ERBB4: variants seen among roughly 807,000 people sequenced by gnomAD.
ERBB4 encodes receptor tyrosine-protein kinase erbB-4.
In ERBB4, 42 loss-of-function variants were observed where a neutral mutation model predicts 158.0. The ratio of observed to expected loss-of-function variants is 0.27; its 90% confidence interval spans 0.21 to 0.34. ERBB4 has a LOEUF of 0.34. Ranked by LOEUF, ERBB4 falls within the 10% of genes least tolerant of loss-of-function variation. The pLI is 1.00. For synonymous variants in ERBB4, 583 were observed against 558.7 expected (o/e 1.04, Z -0.61); for missense variants, 1,333 against 1,624.1 (o/e 0.82, Z 3.08).
At chr2:211,967,900 C>A (rs1575448922) in intron 2 of ERBB4, among the ~76,000 whole-genome samples, 1 of 151,742 alleles carries the variant, frequency 6.6e-6, no homozygotes, top group Non-Finnish European at 1.5e-5. Flanking sequence ...TTAAGTTAAT[C>A]ATTTAGAATA....
At chr2:211,618,787 C>A (rs1447207231) in intron 19 of ERBB4, among the ~76,000 whole-genome samples, 1 of 152,148 alleles carries the variant, frequency 6.6e-6, no homozygotes, top group Non-Finnish European at 1.5e-5. Context: ...GAAATATACA[C>A]ATGAGCTTTG....
chr2:211,892,506 G>T (rs1185982915), intron 3 of ERBB4, among the ~76,000 whole-genome samples: 1 of 138,406 alleles, frequency 7.2e-6, no homozygotes, highest in African/African-American at 2.9e-5. Context: ...ACAAGACAGG[G>T]ATGCCCTCTC....
chr2:211,687,493 A>AGATTGTTT (rs1559419276), intron 12 of ERBB4, among the ~76,000 whole-genome samples: 1 of 151,268 alleles, frequency 6.6e-6, no homozygotes, highest in African/African-American at 2.4e-5. Flanking sequence ...GCTTGACTGA[A>AGATTGTTT]GTTTGTTTGT....
chr2:211,934,723 T>C (rs116816796), intron 3 of ERBB4, among the ~76,000 whole-genome samples: 5,329 of 152,070 alleles, frequency 0.035, 126 homozygotes, highest in Middle Eastern at 0.089. Context: ...ATGAAGTCCG[T>C]GCCCAATTAG....
At chr2:212,416,444 C>T (rs1469884092) in intron 1 of ERBB4, among the ~76,000 whole-genome samples, 1 of 152,020 alleles carries the variant, frequency 6.6e-6, no homozygotes, top group Non-Finnish European at 1.5e-5. Flanking sequence ...AGGGGTCAGA[C>T]ATGTTTGTTC....
At chr2:211,576,455 A>G (rs894985701) in intron 19 of ERBB4, among the ~76,000 whole-genome samples, 4 of 152,168 alleles carry the variant, frequency 2.6e-5, no homozygotes, top group African/African-American at 9.7e-5. Flanking sequence ...CATGGCCATT[A>G]TATTTATCAT....
chr2:212,343,316 A>C (rs560083233), intron 1 of ERBB4, among the ~76,000 whole-genome samples: 1 of 152,290 alleles, frequency 6.6e-6, no homozygotes, highest in South Asian at 2.1e-4. Flanking sequence ...GAGAGAGAGA[A>C]ACAAAGTGTC....
intron 1 of ERBB4, among the ~76,000 whole-genome samples, chr2:212,301,590 T>G (rs553268340): frequency 6.6e-6 from 1 of 151,488 alleles, no homozygotes; most frequent in East Asian, 2.0e-4. Context: ...CATGACAAAT[T>G]TGGAACTCTC....
At chr2:212,530,827 C>A (rs1023172606) in intron 1 of ERBB4, among the ~76,000 whole-genome samples, 1 of 152,148 alleles carries the variant, frequency 6.6e-6, no homozygotes, top group Non-Finnish European at 1.5e-5. Flanking sequence ...GCAGGTGAAA[C>A]CGATTGTTTA....
rs1307208728 is a variant in ERBB4 at position 211,813,622 on chromosome 2, G to GT, written c.422-25464dup. ...TTTAAATAACACTTTTTTTCTGGGA[G>GT]TTTTTTTCCCCTTTGACTCTGTATT... On this transcript the variant is annotated intron_variant, in intron 3 of 27. Transcript: ENST00000342788. 5.3e-5 allele frequency among the ~76,000 whole-genome samples: 8 copies of GT among 152,028 alleles called. No individual in the cohort carries two copies. The South Asian group carries it at 1.7e-3, about 32-fold the overall frequency.
chr2:211,442,771 G>T (rs1187162613), intron 20 of ERBB4, among the ~76,000 whole-genome samples: 1 of 151,718 alleles, frequency 6.6e-6, no homozygotes, highest in East Asian at 1.9e-4. Context: ...CTCATCTATT[G>T]ACTTGATTAA....
At position 212,021,188 on chromosome 2, in the gene ERBB4, TGATAAAAATAATTA is replaced by T. The variant is rs2076641527; in HGVS notation, c.235-73586_235-73573del. On this transcript the variant is annotated intron_variant, in intron 2 of 27. Transcript: ENST00000342788. ...ATATGATTTTGATCTAGAAATACGA[TGATAAAAATAATTA>T]GACCTTTAGAATTCCTATTCAATAG... 2.0e-5 allele frequency among the ~76,000 whole-genome samples: 3 copies of T among 152,142 alleles called. No homozygotes were observed. The South Asian group carries it at 6.2e-4, about 32-fold the overall frequency.
chr2:211,794,848 C>A (rs1174618740), intron 3 of ERBB4, among the ~76,000 whole-genome samples: 1 of 151,680 alleles, frequency 6.6e-6, no homozygotes, highest in Non-Finnish European at 1.5e-5. Flanking sequence ...ATAATTTTCC[C>A]GAGATTTGTA....
chr2:212,209,849 T>C (rs1176809975), intron 1 of ERBB4, among the ~76,000 whole-genome samples: 2 of 152,080 alleles, frequency 1.3e-5, no homozygotes. Context: ...GCAATATGTA[T>C]GTTGTTTCCC....
At chr2:212,161,137 T>G (rs2081191464) in intron 1 of ERBB4, among the ~76,000 whole-genome samples, 1 of 151,866 alleles carries the variant, frequency 6.6e-6, no homozygotes, top group Non-Finnish European at 1.5e-5. Flanking sequence ...GGAGCACAAA[T>G]AACAATAACA....
chr2:212,215,787 T>A (rs1281870476), intron 1 of ERBB4, among the ~76,000 whole-genome samples: 2 of 151,466 alleles, frequency 1.3e-5, no homozygotes, highest in Admixed American at 1.3e-4. Flanking sequence ...ATTTAAAATC[T>A]CTATACTGAA....
chr2:211,478,232 T>C (rs745411825), intron 20 of ERBB4, among the ~76,000 whole-genome samples: 2 of 152,174 alleles, frequency 1.3e-5, no homozygotes, highest in African/African-American at 4.8e-5. Flanking sequence ...TATGCCAGCA[T>C]TGGCCAATAG....
chr2:212,502,282 GA>G (rs1218722832), intron 1 of ERBB4, among the ~76,000 whole-genome samples: 1 of 151,990 alleles, frequency 6.6e-6, no homozygotes, highest in Non-Finnish European at 1.5e-5. Context: ...AATCATCATA[GA>G]AAAAAGTGTA....
chr2:211,884,408 C>A (rs751448436), intron 3 of ERBB4, among the ~76,000 whole-genome samples: 1 of 152,120 alleles, frequency 6.6e-6, no homozygotes, highest in Non-Finnish European at 1.5e-5. Flanking sequence ...AAATGTACCA[C>A]GGAAACGGCA....
Sources: gnomAD v4.1 joint callset for allele counts (sites outside exome capture counted in the v4.1 genomes callset) on GRCh38, gnomAD v4.1.1 for gene constraint, MANE v1.5 for transcripts, NCBI Gene and HGNC (gene_info 2026-07-23, HGNC 2026-07-21) for gene names.